ZDHHC24: variants seen among roughly 807,000 people sequenced by gnomAD.
ZDHHC24 encodes the protein probable palmitoyltransferase ZDHHC24.
ZDHHC24 carries 17 observed loss-of-function variants against 23.2 expected under a neutral mutation model. The observed-to-expected ratio is 0.73, with a 90% CI of 0.50 to 1.10. The LOEUF is 1.10. Ranked by LOEUF, ZDHHC24 falls within the 50% of genes least tolerant of loss-of-function variation. The pLI is 0.00. For synonymous variants in ZDHHC24, 186 were observed against 194.5 expected (o/e 0.96, Z 0.36); for missense variants, 366 against 393.0 (o/e 0.93, Z 0.58).
At chr11:66,523,913 C>A (rs1156840914) in intron 4 of ZDHHC24, 2 of 1,611,150 alleles carry the variant, frequency 1.2e-6, no homozygotes, top group Non-Finnish European at 1.7e-6. Context: ...CTGCCACTCA[C>A]TCCTCCTTGC....
intron 2 of ZDHHC24, among the ~76,000 whole-genome samples, chr11:66,540,346 T>C (rs532419359): frequency 6.4e-5 from 9 of 140,604 alleles, no homozygotes; most frequent in African/African-American, 2.2e-4. Context: ...AGAATCGCTT[T>C]AACCTGGGAG....
chr11:66,539,844 AG>A lies in ZDHHC24; in HGVS notation c.560-21del. The A allele has an allele frequency of 6.4e-7, 1 of 1,557,800 alleles. No individual in the cohort carries two copies. Among genetic ancestry groups the A allele is most frequent in the Non-Finnish European group, 8.7e-7 (1 of 1,150,692 alleles). On this transcript the variant is annotated intron_variant, in intron 2 of 2. Coordinates refer to ENST00000310442, the MANE Select transcript of ZDHHC24 (RefSeq NM_207340.3). ...CTCTGCCTGCAATAAAAGAGCAGAGAGGGTCAGGGAGGGGCAGTGGGGTCCG... is the reference window on the plus strand; with the variant it reads ...CTCTGCCTGCAATAAAAGAGCAGAGAGGTCAGGGAGGGGCAGTGGGGTCCG...
At chr11:66,541,300 G>A (rs1236417264) in intron 2 of ZDHHC24, among the ~76,000 whole-genome samples, 6 of 152,074 alleles carry the variant, frequency 3.9e-5, no homozygotes, top group Non-Finnish European at 8.8e-5. Flanking sequence ...CTACTCGGGA[G>A]GCTGAGGCAA....
chr11:66,525,672 C>T (rs1282027472), intron 4 of ZDHHC24, among the ~76,000 whole-genome samples: 3 of 152,186 alleles, frequency 2.0e-5, no homozygotes, highest in African/African-American at 7.2e-5. Context: ...CTGGGAGGGC[C>T]GGTGGTATGC....
intron 2 of ZDHHC24, 121 bp from the exon 3 acceptor site, chr11:66,539,945 T>C: frequency 9.7e-7 from 1 of 1,034,596 alleles, no homozygotes. Flanking sequence ...GTGTCGATAC[T>C]CGCTGGCCAG....
At position 66,543,813 on chromosome 11, in the gene ZDHHC24, C is replaced by G. The variant is rs1857224835; in HGVS notation, c.450G>C (p.Leu150=). Residue 150 remains leucine (L), a synonymous_variant, in exon 2 of 3, where the codon CTG becomes CTC. Coordinates refer to ENST00000310442, the MANE Select transcript of ZDHHC24 (RefSeq NM_207340.3). Reference sequence around the variant, plus strand: ...GGCCCAGCAGCACAGAGACGTGGAGCAGGACGCCGGCGGCATGAAGCAGCA... The same window carrying G: ...GGCCCAGCAGCACAGAGACGTGGAGGAGGACGCCGGCGGCATGAAGCAGCA... The part of the protein sequence containing the change: ...LCLLLHAAGV[L]LHVSVLLGPA... The G allele has an allele frequency of 6.2e-7, 1 of 1,613,360 alleles. No individual in the cohort carries two copies. Among genetic ancestry groups the G allele is most frequent in the East Asian group, 2.2e-5 (1 of 44,884 alleles).
chr11:66,522,845 G>C (rs1380811544), intron 4 of ZDHHC24: 1 of 302,088 alleles, frequency 3.3e-6, no homozygotes, highest in Non-Finnish European at 6.4e-6. Context: ...CAAGCTCAAT[G>C]GGGAAAAATA....
downstream of ZDHHC24, chr11:66,530,925 C>G: frequency 6.2e-7 from 1 of 1,614,232 alleles, no homozygotes; most frequent in Non-Finnish European, 8.5e-7. Flanking sequence ...TTTAAGCTCA[C>G]ACTTCACCTG....
chr11:66,546,006 C>G lies in ZDHHC24; in HGVS notation c.-3G>C. 7.2e-7 allele frequency: 1 copy of G among 1,389,078 alleles called. No homozygotes were observed. Among genetic ancestry groups the G allele is most frequent in the South Asian group, 1.6e-5 (1 of 61,528 alleles). The allele number at this position is 1,389,078 out of a possible 1,614,324, so 86.0% of individuals were successfully genotyped here. A position where few individuals can be genotyped will look rare whatever the true frequency, so the allele number is the denominator to read the frequency against. Reference sequence around the variant, plus strand: ...CCAGCCGCCCAGGGCTGCCCCATGGCCTGGACACCCAGCTGTCGGAGCCGG... The same window carrying G: ...CCAGCCGCCCAGGGCTGCCCCATGGGCTGGACACCCAGCTGTCGGAGCCGG... On this transcript the variant is annotated 5_prime_UTR_variant, in exon 1 of 3. Coordinates refer to ENST00000310442, the MANE Select transcript of ZDHHC24 (RefSeq NM_207340.3).
In ZDHHC24 at chr11:66,545,276, T is replaced by C. The variant is rs1486327694; in HGVS notation, c.281+447A>G. Reference sequence around the variant, plus strand: ...AGGCTGGTAAACTTCTGACCTTAAGTGATCCGCCGGCCTCGGCCTCCCAAA... The same window carrying C: ...AGGCTGGTAAACTTCTGACCTTAAGCGATCCGCCGGCCTCGGCCTCCCAAA... On this transcript the variant is annotated intron_variant, in intron 1 of 2. Coordinates refer to ENST00000310442, the MANE Select transcript of ZDHHC24 (RefSeq NM_207340.3). This position sits in a 1 kb window ranked among gnomAD's most constrained non-coding sequence, Gnocchi z 4.5. 6.6e-6 allele frequency among the ~76,000 whole-genome samples: 1 copy of C among 152,146 alleles called. No individual in the cohort carries two copies. The highest frequency in any genetic ancestry group is 2.4e-5 in the African/African-American group (1 of 41,426).
downstream of ZDHHC24, among the ~76,000 whole-genome samples, chr11:66,535,188 T>A (rs145509917): frequency 5.2e-3 from 792 of 152,066 alleles, 5 homozygotes; most frequent in African/African-American, 0.018. Context: ...CCACCACACC[T>A]GGCCTGGACA....
At chr11:66,544,082 C>T in intron 1 of ZDHHC24, 101 bp from the exon 2 acceptor site, 1 of 1,482,998 alleles carries the variant, frequency 6.7e-7, no homozygotes, top group Non-Finnish European at 9.2e-7. Context: ...TGGCAACAGC[C>T]ATTTGCCCTG....
chr11:66,544,871 A>AT (rs1220376071), intron 1 of ZDHHC24, among the ~76,000 whole-genome samples: 3 of 151,182 alleles, frequency 2.0e-5, no homozygotes, highest in Non-Finnish European at 3.0e-5. Flanking sequence ...ACCTGGTGTA[A>AT]TTTTTTTTTC....
rs1857051602 is a variant in ZDHHC24 at position 66,538,604 on chromosome 11, C to T, written c.*925G>A. ...CTGTCTTCCCTCCTGTTTTCTTTCC[C>T]TTTGTATTATTTTTGATTTTCTTTA... On this transcript the variant is annotated 3_prime_UTR_variant, in exon 3 of 3. Transcript: ENST00000310442. The T allele has an allele frequency of 6.6e-6, 1 of 152,144 alleles. No homozygotes were observed. Among genetic ancestry groups the T allele is most frequent in the African/African-American group, 2.4e-5 (1 of 41,428 alleles). The allele number at this position is 152,144 out of a possible 1,614,324, so 9.4% of individuals were successfully genotyped here.
At chr11:66,522,144 G>T (rs28414721) in intron 4 of ZDHHC24, among the ~76,000 whole-genome samples, 31,526 of 150,010 alleles carry the variant, frequency 0.21, 3,709 homozygotes, top group East Asian at 0.26. Flanking sequence ...GTGAACCTGG[G>T]AGGTGGAGCT....
Position 66,545,241 on chromosome 11 carries a change from C to G in ZDHHC24, c.281+482G>C, listed in dbSNP as rs1417820622. ...ATTTTTAGTAGAGACGGGGTTTCAC[C>G]ACGTTGGCTAGGCTGGTAAACTTCT... On this transcript the variant is annotated intron_variant, in intron 1 of 2. Coordinates refer to ENST00000310442, the MANE Select transcript of ZDHHC24 (RefSeq NM_207340.3). This position sits in a 1 kb window ranked among gnomAD's most constrained non-coding sequence, Gnocchi z 4.5. 6.6e-6 allele frequency among the ~76,000 whole-genome samples: 1 copy of G among 152,130 alleles called. No homozygotes were observed. The highest frequency in any genetic ancestry group is 1.5e-5 in the Non-Finnish European group (1 of 68,026).
At chr11:66,542,825 A>C (rs545738188) in intron 2 of ZDHHC24, 1 of 151,736 alleles carries the variant, frequency 6.6e-6, no homozygotes, top group Middle Eastern at 3.4e-3. Flanking sequence ...AAGGGCCGGG[A>C]CTCCTGGAGG....
intron 2 of ZDHHC24, among the ~76,000 whole-genome samples, chr11:66,541,238 C>T: frequency 6.6e-6 from 1 of 151,540 alleles, no homozygotes; most frequent in East Asian, 1.9e-4. Flanking sequence ...TCCGTCTGTA[C>T]TAAAAATACA....
intron 4 of ZDHHC24, chr11:66,523,329 C>T: frequency 7.4e-7 from 1 of 1,342,632 alleles, no homozygotes; most frequent in Non-Finnish European, 1.1e-6. Flanking sequence ...GGAAATAATC[C>T]CAGGGTCATC....
Sources: gnomAD v4.1 joint callset for allele counts (sites outside exome capture counted in the v4.1 genomes callset) on GRCh38, gnomAD v4.1.1 for gene constraint, Gnocchi (gnomAD v3.1) non-coding constraint, MANE v1.5 for transcripts, NCBI Gene and HGNC (gene_info 2026-07-23, HGNC 2026-07-21) for gene names.